Variants in RMDN2 observed in about 807,000 individuals in gnomAD.
RMDN2 encodes the protein regulator of microtubule dynamics protein 2.
RMDN2 carries 61 observed loss-of-function variants against 52.8 expected under a neutral mutation model. That is an observed-to-expected ratio of 1.16 (90% CI 0.94 to 1.43). RMDN2 has a LOEUF of 1.43. Ranked by LOEUF, RMDN2 falls within the 40% of genes most tolerant of loss-of-function variation. The probability of loss-of-function intolerance (pLI) is 0.00; values close to 1 mark genes in which losing one functional copy is unlikely to be tolerated. For missense variants in RMDN2, 592 were observed against 475.3 expected, an observed-to-expected ratio of 1.25 and a Z score of -2.28; for synonymous variants, 180 against 153.1, an observed-to-expected ratio of 1.18 and a Z score of -1.30.
At position 37,926,491 on chromosome 2, in the gene RMDN2, A is replaced by C. The variant is rs192369773; in HGVS notation, c.-17+1066A>C. Among the ~76,000 whole-genome samples, 134 of 152,326 alleles carry C rather than the reference A, an allele frequency of 8.8e-4. No homozygotes were observed. In the Middle Eastern group the frequency reaches 0.024, roughly 27 times the overall value. ...AATCTATATTAAAATGTCATTTTCCATTGTTATTTACTAGCACCTTACAAA... is the reference window on the plus strand; with the variant it reads ...AATCTATATTAAAATGTCATTTTCCCTTGTTATTTACTAGCACCTTACAAA... On this transcript the variant is annotated intron_variant, in intron 1 of 10. Transcript: ENST00000354545.
At chr2:37,965,738 G>C (rs1011849222) in intron 2 of RMDN2, among the ~76,000 whole-genome samples, 2 of 152,082 alleles carry the variant, frequency 1.3e-5, no homozygotes, top group Non-Finnish European at 2.9e-5. Context: ...TCAAGTGACT[G>C]TCTAAGGTCC....
chr2:37,934,628 T>C (rs1366241530), intron 2 of RMDN2, among the ~76,000 whole-genome samples: 3 of 152,158 alleles, frequency 2.0e-5, no homozygotes, highest in Non-Finnish European at 4.4e-5. Flanking sequence ...TCAGTAAGAA[T>C]AGTATTCGAC....
intron 2 of RMDN2, among the ~76,000 whole-genome samples, chr2:37,960,965 A>G (rs999880412): frequency 1.3e-5 from 2 of 152,192 alleles, no homozygotes; most frequent in African/African-American, 4.8e-5. Context: ...GTTTGGCTCA[A>G]TATGAAATTC....
intron 8 of RMDN2, among the ~76,000 whole-genome samples, chr2:37,999,380 A>G (rs2125170648): frequency 6.6e-6 from 1 of 152,278 alleles, no homozygotes; most frequent in African/African-American, 2.4e-5. Context: ...GAGTGTGCCT[A>G]GCACCCAGTA....
At chr2:38,060,528 A>G (rs1381911709) in intron 10 of RMDN2, among the ~76,000 whole-genome samples, 1 of 152,144 alleles carries the variant, frequency 6.6e-6, no homozygotes, top group Non-Finnish European at 1.5e-5. Flanking sequence ...AAATTTAAAT[A>G]CTGATTGCTG....
chr2:37,950,401 C>G, intron 2 of RMDN2: 1 of 1,582,490 alleles, frequency 6.3e-7, no homozygotes, highest in Non-Finnish European at 8.7e-7. Context: ...CTAATATAAA[C>G]TGATGTCATG....
At chr2:37,980,903 C>G (rs1224551110) in intron 4 of RMDN2, among the ~76,000 whole-genome samples, 1 of 152,082 alleles carries the variant, frequency 6.6e-6, no homozygotes, top group East Asian at 1.9e-4. Flanking sequence ...TATTCCCAGA[C>G]ACTCACACAG....
At chr2:37,952,999 A>G (rs1669036061) in intron 2 of RMDN2, 1 of 152,010 alleles carries the variant, frequency 6.6e-6, no homozygotes, top group South Asian at 2.1e-4. Context: ...TAAGCAATTG[A>G]AAACATTTAA....
At chr2:38,058,047 C>G (rs1326689122) in intron 10 of RMDN2, among the ~76,000 whole-genome samples, 1 of 152,230 alleles carries the variant, frequency 6.6e-6, no homozygotes, top group Non-Finnish European at 1.5e-5. Flanking sequence ...AGAGTAACTA[C>G]CCAGGAAAAT....
At chr2:37,970,795 A>G (rs1052943614) in intron 2 of RMDN2, among the ~76,000 whole-genome samples, 1 of 152,144 alleles carries the variant, frequency 6.6e-6, no homozygotes, top group Admixed American at 6.5e-5. Context: ...ATAGCTTTAT[A>G]CCTTTATAAA....
At chr2:37,928,297 C>T (rs1666449625) in intron 1 of RMDN2, among the ~76,000 whole-genome samples, 1 of 152,246 alleles carries the variant, frequency 6.6e-6, no homozygotes, top group African/African-American at 2.4e-5. Flanking sequence ...CTCAGACCCT[C>T]TTCCATAGGG....
chr2:38,014,677 A>G (rs1191584989), intron 10 of RMDN2, among the ~76,000 whole-genome samples: 1 of 152,206 alleles, frequency 6.6e-6, no homozygotes, highest in Non-Finnish European at 1.5e-5. Context: ...ATATTTTTCC[A>G]ACACTATCAG....
rs181400565 is a variant in RMDN2, at chr2:37,971,344, C to T, written c.453-2696C>T. ...ATTTGTTGAAGAGTATTGTTTCCTCCGCTAAACTGTCTTGGCACTCTTATC... is the reference window on the plus strand; with the variant it reads ...ATTTGTTGAAGAGTATTGTTTCCTCTGCTAAACTGTCTTGGCACTCTTATC... On this transcript the variant is annotated intron_variant, in intron 2 of 10. Coordinates refer to ENST00000354545, the MANE Select transcript of RMDN2 (RefSeq NM_001170791.3). Among the ~76,000 whole-genome samples the T allele has an allele frequency of 1.1e-3, 161 of 152,094 alleles. 1 individual carries two copies. Among genetic ancestry groups the T allele is most frequent in the African/African-American group, 3.5e-3 (144 of 41,482 alleles).
Position 37,935,855 on chromosome 2 carries a change from A to G in RMDN2, c.452+6126A>G, listed in dbSNP as rs79486485. Among the ~76,000 whole-genome samples the G allele has an allele frequency of 5.6e-3, 856 of 152,138 alleles. 11 individuals are homozygous for G. The highest frequency in any genetic ancestry group is 0.037 in the East Asian group (189 of 5,176). On this transcript the variant is annotated intron_variant, in intron 2 of 10. Transcript: ENST00000354545. Reference sequence around the variant, plus strand: ...CATTCCTTTGAATGAATATACCTTAATTTATTTCCCTATTGATGGATGTTT... The same window carrying G: ...CATTCCTTTGAATGAATATACCTTAGTTTATTTCCCTATTGATGGATGTTT...
At position 37,974,131 on chromosome 2, in the gene RMDN2, C is replaced by T. The variant is rs765273191; in HGVS notation, c.544C>T (p.Leu182Phe). 1.9e-6 allele frequency: 3 copies of T among 1,612,940 alleles called. No individual in the cohort carries two copies. Among genetic ancestry groups the T allele is most frequent in the African/African-American group, 1.3e-5 (1 of 74,852 alleles). The change falls in exon 3 of 11, where the codon CTT (leucine) becomes TTT (phenylalanine). Residue 182 changes from leucine (L) to phenylalanine (F), a missense_variant. Physicochemically the swap from Leu to Phe is conservative, Grantham distance 22. Coordinates refer to ENST00000354545, the MANE Select transcript of RMDN2 (RefSeq NM_001170791.3). ...TGTAGAGGAATTAAATTTAGATGTC[C>T]TTCTTCAGAAGGTAGATCATTTACG... is the stretch of plus-strand genomic sequence containing the variant. ...TRVEELNLDV[L>F]LQKVDHLRMS...
intron 2 of RMDN2, among the ~76,000 whole-genome samples, chr2:37,972,771 GA>G (rs1223443947): frequency 2.6e-5 from 4 of 152,174 alleles, no homozygotes; most frequent in Non-Finnish European, 5.9e-5. Context: ...TTTGACGATA[GA>G]ACCAGCAGGA....
chr2:37,937,666 A>G (rs1667421325), intron 2 of RMDN2, among the ~76,000 whole-genome samples: 1 of 152,130 alleles, frequency 6.6e-6, no homozygotes. Context: ...GCAATTATGA[A>G]TGGGAGTTTG....
chr2:37,958,912 T>C (rs1340101106), intron 2 of RMDN2, among the ~76,000 whole-genome samples: 1 of 150,844 alleles, frequency 6.6e-6, no homozygotes, highest in Non-Finnish European at 1.5e-5. Flanking sequence ...ATCATCTCAT[T>C]GGTCTCACTT....
At chr2:38,022,388 G>A (rs1679453873), downstream of RMDN2, among the ~76,000 whole-genome samples, 1 of 152,172 alleles carries the variant, frequency 6.6e-6, no homozygotes, top group Non-Finnish European at 1.5e-5. Context: ...TGACCTCAGA[G>A]AAGACAGAAT....
Sources: allele counts gnomAD v4.1 joint callset (sites outside exome capture counted in the v4.1 genomes callset), GRCh38; gene constraint gnomAD v4.1.1; transcripts MANE v1.5; gene names NCBI Gene and HGNC (gene_info 2026-07-23, HGNC 2026-07-21).